Variants in CIMIP4 observed in about 807,000 individuals in gnomAD.
CIMIP4 encodes the protein protein EAN57.
At chr22:37,000,196 G>A in the CIMIP4 span, among the ~76,000 whole-genome samples, 1 of 152,186 alleles carries the variant, frequency 6.6e-6, no homozygotes, top group South Asian at 2.1e-4. Context: ...TGTGGGTGGG[G>A]GGCATCAAGT....
At chr22:37,006,248 A>G in the CIMIP4 span, among the ~76,000 whole-genome samples, 1 of 152,264 alleles carries the variant, frequency 6.6e-6, no homozygotes, top group Admixed American at 6.5e-5. Flanking sequence ...CATTGAACAA[A>G]AAATAAAAAT....
the CIMIP4 span, among the ~76,000 whole-genome samples, chr22:37,006,054 T>C: frequency 1.8e-4 from 28 of 152,272 alleles, no homozygotes; most frequent in East Asian, 4.6e-3. Context: ...ATATATCCTC[T>C]TAACAGAACC....
chr22:37,002,291 A>G, the CIMIP4 span: 5 of 1,428,192 alleles, frequency 3.5e-6, no homozygotes, highest in African/African-American at 4.3e-5. Flanking sequence ...GGCCCTGGTG[A>G]AAGTGGTTGT....
the CIMIP4 span, among the ~76,000 whole-genome samples, chr22:37,003,032 C>T: frequency 6.6e-6 from 1 of 152,216 alleles, no homozygotes; most frequent in Admixed American, 6.5e-5. Flanking sequence ...CCCCAGATTA[C>T]AGCTGTAAAT....
the CIMIP4 span, among the ~76,000 whole-genome samples, chr22:37,004,886 C>T: frequency 1.3e-5 from 2 of 152,028 alleles, no homozygotes; most frequent in Admixed American, 6.6e-5. Context: ...CAGGGTTTCA[C>T]CATGTTGGCC....
the CIMIP4 span, among the ~76,000 whole-genome samples, chr22:37,000,912 G>A: frequency 6.6e-6 from 1 of 152,138 alleles, no homozygotes; most frequent in Non-Finnish European, 1.5e-5. Flanking sequence ...TGACAGAGTG[G>A]AAGGGGAGCC....
chr22:36,999,928 G>A, the CIMIP4 span: 3 of 1,613,826 alleles, frequency 1.9e-6, no homozygotes, highest in African/African-American at 1.3e-5. Flanking sequence ...GGGTCCTGCT[G>A]GGCCATGAGC....
At chr22:37,002,506 A>G in the CIMIP4 span, among the ~76,000 whole-genome samples, 1 of 152,018 alleles carries the variant, frequency 6.6e-6, no homozygotes. Context: ...ATTAGGAGAC[A>G]CAATGGGAGA....
chr22:36,995,725 T>C, the CIMIP4 span, among the ~76,000 whole-genome samples: 1 of 152,184 alleles, frequency 6.6e-6, no homozygotes, highest in African/African-American at 2.4e-5. Context: ...TTTCACTTGG[T>C]TCCCATTCTC....
chr22:37,003,987 T>C, the CIMIP4 span: 1 of 1,550,176 alleles, frequency 6.5e-7, no homozygotes, highest in Non-Finnish European at 8.7e-7. Flanking sequence ...CCCAGCTCCA[T>C]AGCCTCTTGC....
chr22:36,991,716 G>T, the CIMIP4 span: 171,681 of 790,966 alleles, frequency 0.22, 22,625 homozygotes, highest in East Asian at 0.6. Context: ...GAGTGGGAAG[G>T]GTTTCAAAGT....
chr22:36,998,525 C>T, the CIMIP4 span, among the ~76,000 whole-genome samples: 7 of 152,182 alleles, frequency 4.6e-5, no homozygotes, highest in Non-Finnish European at 1.0e-4. Context: ...CGTGCTGTGA[C>T]AGGCATCTGA....
At chr22:36,992,827 G>A in the CIMIP4 span, among the ~76,000 whole-genome samples, 4 of 151,284 alleles carry the variant, frequency 2.6e-5, no homozygotes, top group Admixed American at 1.3e-4. Flanking sequence ...ATAAAAAGAT[G>A]TGGGCTGGGC....
chr22:36,991,612 AC>A, the CIMIP4 span: 1 of 1,608,276 alleles, frequency 6.2e-7, no homozygotes. Context: ...CCATGAAGAA[AC>A]CCCAAGTGCC....
At chr22:37,001,969 C>G in the CIMIP4 span, 9 of 1,613,902 alleles carry the variant, frequency 5.6e-6, no homozygotes, top group Non-Finnish European at 5.9e-6. Context: ...GACCGTCATC[C>G]GTCCCCTGGC....
At chr22:37,000,279 G>A in the CIMIP4 span, among the ~76,000 whole-genome samples, 1 of 152,080 alleles carries the variant, frequency 6.6e-6, no homozygotes. Context: ...GTCTCTATAG[G>A]GTGCCACTCT....
At chr22:37,002,012 T>TTC in the CIMIP4 span, 1 of 1,613,522 alleles carries the variant, frequency 6.2e-7, no homozygotes, top group Non-Finnish European at 8.5e-7. Flanking sequence ...GGTGGCCCTG[T>TTC]TCTCTCTCGA....
chr22:37,002,111 G>A, the CIMIP4 span: 49 of 1,566,256 alleles, frequency 3.1e-5, 1 homozygote, highest in South Asian at 4.3e-4. Context: ...GGGTGGAGGG[G>A]GAATCTCCTT....
At chr22:36,998,276 T>C in the CIMIP4 span, among the ~76,000 whole-genome samples, 1 of 152,180 alleles carries the variant, frequency 6.6e-6, no homozygotes, top group African/African-American at 2.4e-5. Flanking sequence ...AGCAGAACTG[T>C]ATTCTCGCTT....
Sources: allele counts gnomAD v4.1 joint callset (sites outside exome capture counted in the v4.1 genomes callset), GRCh38; gene constraint gnomAD v4.1.1; transcripts MANE v1.5; gene names NCBI Gene and HGNC (gene_info 2026-07-23, HGNC 2026-07-21).